Variants in CTNNAL1 observed in about 807,000 individuals in gnomAD.
The protein encoded by CTNNAL1 is alpha-catulin.
A neutral mutation model predicts 93.6 loss-of-function variants in CTNNAL1; 69 were observed. The ratio of observed to expected loss-of-function variants is 0.74; its 90% CI spans 0.61 to 0.90. The LOEUF (loss-of-function observed/expected upper bound fraction) is 0.90. CTNNAL1 is among the 40% of genes least tolerant of loss of function. The probability of loss-of-function intolerance (pLI) is 0.00; values close to 1 mark genes in which losing one functional copy is unlikely to be tolerated. For missense variants in CTNNAL1, 836 were observed against 862.0 expected (o/e 0.97, Z 0.38); for synonymous variants, 286 against 305.4 (o/e 0.94, Z 0.66).
At chr9:108,951,215 G>A (rs1189725865) in intron 14 of CTNNAL1, among the ~76,000 whole-genome samples, 3 of 149,776 alleles carry the variant, frequency 2.0e-5, no homozygotes, top group Non-Finnish European at 4.4e-5. Context: ...CCGGGTTTCA[G>A]TGTGTTAACC....
intron 17 of CTNNAL1, 33 bp downstream of exon 17, chr9:108,943,670 G>A: frequency 1.9e-6 from 3 of 1,565,890 alleles, no homozygotes; most frequent in Non-Finnish European, 2.6e-6. Flanking sequence ...GATAAAGATA[G>A]ATGTGTGAAA....
intron 1 of CTNNAL1, among the ~76,000 whole-genome samples, chr9:109,001,127 GCA>G (rs1826808413): frequency 2.2e-5 from 3 of 134,598 alleles, no homozygotes; most frequent in Non-Finnish European, 1.5e-5. Context: ...AGCCGAGATT[GCA>G]CCACTGCACT....
chr9:108,972,864 G>GGGGGGGGCCCA, intron 8 of CTNNAL1, 31 bp from the exon 9 acceptor site: 1 of 142,590 alleles, frequency 7.0e-6, no homozygotes, highest in Non-Finnish European at 1.0e-5. Flanking sequence ...GGGGGGGTGG[G>GGGGGGGGCCCA]AGGGTGGAGA....
At chr9:108,972,864 G>GGGCCCCCCCCCCCCCCCCCC in intron 8 of CTNNAL1, 31 bp from the exon 9 acceptor site, 1 of 142,588 alleles carries the variant, frequency 7.0e-6, no homozygotes, top group Non-Finnish European at 1.0e-5. Context: ...GGGGGGGTGG[G>GGGCCCCCCCCCCCCCCCCCC]AGGGTGGAGA....
intron 8 of CTNNAL1, 31 bp from the exon 9 acceptor site, chr9:108,972,864 G>GGGGGGCCCC: frequency 3.3e-4 from 47 of 142,366 alleles, no homozygotes; most frequent in Non-Finnish European, 4.4e-4. Context: ...GGGGGGGTGG[G>GGGGGGCCCC]AGGGTGGAGA....
At chr9:108,954,062 T>C (rs1257233632) in intron 12 of CTNNAL1, among the ~76,000 whole-genome samples, 1 of 152,228 alleles carries the variant, frequency 6.6e-6, no homozygotes, top group African/African-American at 2.4e-5. Flanking sequence ...TTCATGATTT[T>C]TATTTTTACT....
chr9:108,969,910 G>C (rs377034302), intron 10 of CTNNAL1, among the ~76,000 whole-genome samples: 59 of 152,212 alleles, frequency 3.9e-4, no homozygotes, highest in African/African-American at 1.3e-3. Flanking sequence ...GTACTCAAAC[G>C]ATCCTCCTAC....
At chr9:108,979,215 A>G in intron 7 of CTNNAL1, 66 bp downstream of exon 7, 1 of 1,581,010 alleles carries the variant, frequency 6.3e-7, no homozygotes, top group Non-Finnish European at 8.6e-7. Flanking sequence ...TAACTTCCAT[A>G]TCTTGCAAAA....
intron 15 of CTNNAL1, among the ~76,000 whole-genome samples, chr9:108,945,302 TA>T (rs1830367754): frequency 6.6e-6 from 1 of 152,180 alleles, no homozygotes; most frequent in Non-Finnish European, 1.5e-5. Flanking sequence ...CATCATCCCA[TA>T]AACTTTAAAT....
chr9:108,997,183 A>C (rs1430406550), intron 2 of CTNNAL1, among the ~76,000 whole-genome samples: 1 of 152,206 alleles, frequency 6.6e-6, no homozygotes, highest in Non-Finnish European at 1.5e-5. Flanking sequence ...CTAGAAATCC[A>C]AAAGTCAACC....
At chr9:108,982,535 A>T (rs1416328072) in intron 6 of CTNNAL1, among the ~76,000 whole-genome samples, 3 of 152,210 alleles carry the variant, frequency 2.0e-5, no homozygotes, top group Admixed American at 6.5e-5. Flanking sequence ...GGCACTGCTC[A>T]AAAAACAGGA....
At chr9:108,973,126 T>C (rs1194043424) in intron 8 of CTNNAL1, among the ~76,000 whole-genome samples, 1 of 152,176 alleles carries the variant, frequency 6.6e-6, no homozygotes, top group African/African-American at 2.4e-5. Flanking sequence ...ATGCTGTTTC[T>C]AGAAGATGAA....
At chr9:108,968,334 A>G (rs1564130505) in intron 10 of CTNNAL1, among the ~76,000 whole-genome samples, 1 of 152,236 alleles carries the variant, frequency 6.6e-6, no homozygotes, top group African/African-American at 2.4e-5. Context: ...TGGGAACAGA[A>G]AAAGCTTCTC....
In CTNNAL1 at chr9:108,972,853, TGGGG is replaced by T; in HGVS notation, c.1189-24_1189-21del. The T allele has an allele frequency of 7.3e-5, 4 of 55,038 alleles. No individual in the cohort carries two copies. Among genetic ancestry groups the T allele is most frequent in the East Asian group, 4.4e-4 (1 of 2,298 alleles). The allele number at this position is 55,038 out of a possible 1,614,324, so 3.4% of individuals were successfully genotyped here. On this transcript the variant is annotated intron_variant, in intron 8 of 18. Transcript: ENST00000325551. ...ATGAAGCTGCAGATGTGTGTGTGGG[TGGGG>T]GGGTGGGAGGGTGGAGAAGGAGAAG...
intron 2 of CTNNAL1, among the ~76,000 whole-genome samples, chr9:108,996,337 G>A (rs115153517): frequency 0.011 from 1,691 of 152,186 alleles, 26 homozygotes; most frequent in African/African-American, 0.037. Flanking sequence ...AAAATGATTC[G>A]TAGGGGTTGA....
At chr9:108,979,770 T>A (rs138100922) in intron 6 of CTNNAL1, among the ~76,000 whole-genome samples, 2 of 152,320 alleles carry the variant, frequency 1.3e-5, no homozygotes, top group East Asian at 3.9e-4. Context: ...CTCTAGCAAC[T>A]GGCAGGAAAA....
rs1265719386 is a variant in CTNNAL1, at chr9:109,013,342, G to C, written c.101C>G (p.Thr34Ser). Residue 34 changes from threonine (T) to serine (S), a missense_variant, in exon 1 of 19, where the codon ACT becomes AGT. By Grantham distance (58) the Thr-to-Ser change is moderately conservative. Coordinates refer to ENST00000325551, the MANE Select transcript of CTNNAL1 (RefSeq NM_003798.4). Reference sequence around the variant, plus strand: ...GAGTAGCGTCTGCTCCACCGAGCGAGTTTTGATCTCCAGTCCCGAGTCGAG... The same window carrying C: ...GAGTAGCGTCTGCTCCACCGAGCGACTTTTGATCTCCAGTCCCGAGTCGAG... ...FALDSGLEIK[T>S]RSVEQTLLPL... The C allele has an allele frequency of 3.3e-6, 5 of 1,515,930 alleles. No homozygotes were observed. Among genetic ancestry groups the C allele is most frequent in the Non-Finnish European group, 4.4e-6 (5 of 1,131,546 alleles). 93.9% of individuals were successfully genotyped at this position (1,515,930 alleles called of 1,614,324 possible). A position where few individuals can be genotyped will look rare whatever the true frequency, so the allele number is the denominator to read the frequency against.
chr9:108,964,941 C>A (rs1277319672), intron 11 of CTNNAL1, among the ~76,000 whole-genome samples: 1 of 152,094 alleles, frequency 6.6e-6, no homozygotes, highest in Non-Finnish European at 1.5e-5. Flanking sequence ...CAGCTCACTG[C>A]AACCTCCGCC....
chr9:108,950,626 A>C, intron 14 of CTNNAL1: 1 of 1,548,172 alleles, frequency 6.5e-7, no homozygotes, highest in Admixed American at 2.0e-5. Flanking sequence ...CTTCACGAGC[A>C]CAGGATCCCT....
Sources: allele counts gnomAD v4.1 joint callset (sites outside exome capture counted in the v4.1 genomes callset), GRCh38; gene constraint gnomAD v4.1.1; transcripts MANE v1.5; gene names NCBI Gene and HGNC (gene_info 2026-07-23, HGNC 2026-07-21).